GPC6: variants seen among roughly 807,000 people sequenced by gnomAD.
The protein encoded by GPC6 is glypican 6.
In GPC6, 14 loss-of-function variants were observed where a neutral mutation model predicts 55.2. The observed-to-expected ratio is 0.25, with a 90% CI of 0.17 to 0.40. The LOEUF is 0.40. Ranked by LOEUF, GPC6 falls within the 10% of genes least tolerant of loss-of-function variation. The pLI, the probability that GPC6 is intolerant of heterozygous loss-of-function variation, is 1.00. For synonymous variants in GPC6, 278 were observed against 259.6 expected (o/e 1.07, Z -0.68); for missense variants, 641 against 708.5 (o/e 0.90, Z 1.08).
At chr13:93,712,916 T>C (rs558849025) in intron 2 of GPC6, among the ~76,000 whole-genome samples, 4 of 151,646 alleles carry the variant, frequency 2.6e-5, no homozygotes, top group African/African-American at 4.8e-5. Context: ...GCTAATGTAT[T>C]AAGCCGCATT....
the GPC6 span, among the ~76,000 whole-genome samples, chr13:93,221,635 A>G: frequency 6.6e-6 from 1 of 152,258 alleles, no homozygotes. Context: ...GATATAAACC[A>G]TAAGATGGAA....
At chr13:93,793,566 G>C (rs1160694306) in intron 2 of GPC6, among the ~76,000 whole-genome samples, 2 of 152,014 alleles carry the variant, frequency 1.3e-5, no homozygotes, top group African/African-American at 4.8e-5. Flanking sequence ...CTGAGGGCTA[G>C]TGCACAAAGA....
chr13:93,949,970 C>T (rs548578012), intron 3 of GPC6, among the ~76,000 whole-genome samples: 2 of 152,214 alleles, frequency 1.3e-5, no homozygotes, highest in African/African-American at 4.8e-5. Flanking sequence ...TCAAGTGGTC[C>T]ACTCGCCTTG....
chr13:93,453,292 C>T (rs1467199634), intron 1 of GPC6, among the ~76,000 whole-genome samples: 1 of 152,118 alleles, frequency 6.6e-6, no homozygotes, highest in Non-Finnish European at 1.5e-5. Flanking sequence ...TTTAATGTGG[C>T]TTTCCATTCC....
intron 4 of GPC6, among the ~76,000 whole-genome samples, chr13:94,089,919 G>A (rs1196831845): frequency 6.6e-6 from 1 of 151,992 alleles, no homozygotes; most frequent in Non-Finnish European, 1.5e-5. Context: ...CACACGTTAG[G>A]TATACCTCAA....
At chr13:94,043,181 G>C (rs547242430) in intron 4 of GPC6, among the ~76,000 whole-genome samples, 1 of 151,498 alleles carries the variant, frequency 6.6e-6, no homozygotes, top group African/African-American at 2.4e-5. Context: ...CCTGTTCTCC[G>C]GGGAGCACTA....
intron 2 of GPC6, among the ~76,000 whole-genome samples, chr13:93,575,277 C>T (rs189727646): frequency 2.6e-4 from 40 of 152,066 alleles, no homozygotes; most frequent in African/African-American, 6.7e-4. Context: ...GGGTATAGAA[C>T]GATACTCTGT....
chr13:94,176,300 C>T (rs915124070), intron 4 of GPC6, among the ~76,000 whole-genome samples: 1 of 152,064 alleles, frequency 6.6e-6, no homozygotes, highest in Non-Finnish European at 1.5e-5. Flanking sequence ...CATTCGAAGA[C>T]GTGGAATAGG....
At chr13:93,841,709 A>T (rs1427218418) in intron 3 of GPC6, among the ~76,000 whole-genome samples, 1 of 152,158 alleles carries the variant, frequency 6.6e-6, no homozygotes, top group Non-Finnish European at 1.5e-5. Flanking sequence ...CATACACAGA[A>T]TTTTTTAATT....
intron 3 of GPC6, among the ~76,000 whole-genome samples, chr13:93,859,423 A>G (rs1016378230): frequency 6.6e-6 from 1 of 151,668 alleles, no homozygotes; most frequent in Non-Finnish European, 1.5e-5. Flanking sequence ...TGATTTTATA[A>G]TCTGTAAATA....
intron 1 of GPC6, among the ~76,000 whole-genome samples, chr13:93,486,748 C>A (rs1879726406): frequency 3.3e-5 from 5 of 151,972 alleles, no homozygotes; most frequent in Admixed American, 3.3e-4. Context: ...AGATCGAGAC[C>A]ATCCTGGCCA....
chr13:93,217,020 A>G, the GPC6 span, among the ~76,000 whole-genome samples: 7 of 152,180 alleles, frequency 4.6e-5, no homozygotes, highest in Admixed American at 6.5e-5. Context: ...AGTAAATTTG[A>G]AGAACATGCT....
chr13:93,238,771 C>G (rs1379106782), intron 1 of GPC6, among the ~76,000 whole-genome samples: 1 of 142,200 alleles, frequency 7.0e-6, no homozygotes, highest in Admixed American at 7.1e-5. Context: ...CCTTCTATGC[C>G]TAGTTTCTTG....
intron 3 of GPC6, among the ~76,000 whole-genome samples, chr13:93,949,056 C>G (rs953987326): frequency 2.0e-5 from 3 of 152,146 alleles, no homozygotes; most frequent in Non-Finnish European, 4.4e-5. Flanking sequence ...ATACTTACCT[C>G]TTCTCCCAAC....
chr13:94,341,977 A>G (rs188824204), intron 6 of GPC6, among the ~76,000 whole-genome samples: 55 of 152,350 alleles, frequency 3.6e-4, no homozygotes, highest in African/African-American at 1.3e-3. Flanking sequence ...TTAAAGGTGT[A>G]CCATAAAACA....
At chr13:94,069,065 C>G (rs1012358771) in intron 4 of GPC6, among the ~76,000 whole-genome samples, 1 of 152,206 alleles carries the variant, frequency 6.6e-6, no homozygotes, top group African/African-American at 2.4e-5. Context: ...AGCAGAGGTT[C>G]TCCATGAGGG....
intron 3 of GPC6, among the ~76,000 whole-genome samples, chr13:93,983,731 A>G (rs1415094497): frequency 6.6e-6 from 1 of 151,966 alleles, no homozygotes; most frequent in African/African-American, 2.4e-5. Context: ...CAAACTTCCA[A>G]TATTGAACAT....
intron 2 of GPC6, among the ~76,000 whole-genome samples, chr13:93,612,271 G>A (rs1209187711): frequency 1.3e-5 from 2 of 152,142 alleles, no homozygotes. Flanking sequence ...AAGCCGAGGC[G>A]TGCGGATCAC....
intron 2 of GPC6, among the ~76,000 whole-genome samples, chr13:93,768,196 T>C (rs545527300): frequency 1.5e-4 from 23 of 152,328 alleles, no homozygotes; most frequent in Non-Finnish European, 2.9e-4. Flanking sequence ...TGCAGCACTT[T>C]TGCTCTAACT....
Sources: gnomAD v4.1 joint callset for allele counts (sites outside exome capture counted in the v4.1 genomes callset) on GRCh38, gnomAD v4.1.1 for gene constraint, MANE v1.5 for transcripts, NCBI Gene and HGNC (gene_info 2026-07-23, HGNC 2026-07-21) for gene names.